Variants in SPON1 observed in about 807,000 individuals in gnomAD.
The protein encoded by SPON1 is spondin-1.
Under a neutral mutation model 111.7 loss-of-function variants are expected in SPON1, and 52 were observed. That is an observed-to-expected ratio of 0.47 (90% CI 0.37 to 0.59). The LOEUF (loss-of-function observed/expected upper bound fraction) is 0.59, where lower values mean the gene tolerates loss of function less well. SPON1 is among the 20% of genes least tolerant of loss of function. The probability of loss-of-function intolerance (pLI) is 0.00; values close to 1 mark genes in which losing one functional copy is unlikely to be tolerated. For missense variants in SPON1, 957 were observed against 1,068.5 expected (o/e 0.90, Z 1.46); for synonymous variants, 410 against 395.8 (o/e 1.04, Z -0.43).
chr11:14,186,839 C>T (rs1376121765), intron 6 of SPON1, among the ~76,000 whole-genome samples: 1 of 152,224 alleles, frequency 6.6e-6, no homozygotes, highest in Non-Finnish European at 1.5e-5. Flanking sequence ...AATCTTCTAT[C>T]TCCTTAAAGT....
At chr11:14,156,776 G>C (rs10766159) in intron 6 of SPON1, among the ~76,000 whole-genome samples, 59,413 of 151,574 alleles carry the variant, frequency 0.39, 11,891 homozygotes, top group East Asian at 0.54. Flanking sequence ...GCTTGTTTTT[G>C]TCAGGTTTGT....
In SPON1 at chr11:14,262,927, C is replaced by A. The variant is rs782356380; in HGVS notation, c.2212C>A (p.Arg738=). 7 of 1,613,660 alleles carry A rather than the reference C, an allele frequency of 4.3e-6. No homozygotes were observed. Among genetic ancestry groups the A allele is most frequent in the Middle Eastern group, 1.6e-4 (1 of 6,062 alleles). The change falls in exon 15 of 16, where the codon CGG becomes AGG. Residue 738 remains arginine (R), a synonymous_variant. Transcript: ENST00000576479. ...KLRWREARES[R]RSEQLKEESE... ...ACGCTGGAGGGAGGCCCGAGAGAGCCGGCGGAGTGAGCAGCTGAAGGAAGA... is the reference window on the plus strand; with the variant it reads ...ACGCTGGAGGGAGGCCCGAGAGAGCAGGCGGAGTGAGCAGCTGAAGGAAGA...
intron 2 of SPON1, among the ~76,000 whole-genome samples, chr11:13,989,113 A>G (rs113312140): frequency 0.021 from 3,180 of 152,278 alleles, 122 homozygotes; most frequent in African/African-American, 0.072. Context: ...GAATAATTTC[A>G]GAAGGAATGG....
Position 13,962,853 on chromosome 11 carries a change from G to A in SPON1, c.-52G>A. On this transcript the variant is annotated 5_prime_UTR_variant, in exon 1 of 16. Coordinates refer to ENST00000576479, the MANE Select transcript of SPON1 (RefSeq NM_006108.4). ...CCTTCGTCGGGACCACTTCGGGCAG[G>A]AGTCGCGTGGCGAAGGCCTGCGGCC... The A allele has an allele frequency of 1.4e-6, 2 of 1,398,626 alleles. No individual in the cohort carries two copies. Among genetic ancestry groups the A allele is most frequent in the Non-Finnish European group, 1.9e-6 (2 of 1,078,348 alleles). 86.6% of individuals were successfully genotyped at this position (1,398,626 alleles called of 1,614,324 possible). A position where few individuals can be genotyped will look rare whatever the true frequency, so the allele number is the denominator to read the frequency against.
chr11:14,230,414 T>C lies in SPON1; in HGVS notation c.826-12918T>C, dbSNP rs1202890037. On this transcript the variant is annotated intron_variant, in intron 6 of 15. Transcript: ENST00000576479. ...AAAGAAAGAGAAGGAGAAGGAGATA[T>C]TGGTGTGTGGATGAATTCTCATTTC... 3.3e-5 allele frequency among the ~76,000 whole-genome samples: 5 copies of C among 152,206 alleles called. No individual in the cohort carries two copies. In the East Asian group the frequency reaches 9.6e-4, roughly 29 times the overall value.
rs1249517925 is a variant in SPON1, at chr11:14,267,890, A to G, written c.*2203A>G. 6.6e-6 allele frequency: 1 copy of G among 152,214 alleles called. No individual in the cohort carries two copies. Among genetic ancestry groups the G allele is most frequent in the Non-Finnish European group, 1.5e-5 (1 of 68,048 alleles). The allele number at this position is 152,214 out of a possible 1,614,324, so 9.4% of individuals were successfully genotyped here. The stretch of plus-strand genomic sequence containing the variant: ...AAAAACTGCCATATAAAGAAGTTGT[A>G]ATTGTTTGTTGTGTATGTATTTTTT... On this transcript the variant is annotated 3_prime_UTR_variant, in exon 16 of 16. Transcript: ENST00000576479.
chr11:14,220,070 G>A (rs1024626951), intron 6 of SPON1, among the ~76,000 whole-genome samples: 1 of 142,892 alleles, frequency 7.0e-6, no homozygotes, highest in Non-Finnish European at 1.5e-5. Flanking sequence ...CTGGGCAACA[G>A]AGTGAGCACT....
intron 6 of SPON1, among the ~76,000 whole-genome samples, chr11:14,224,455 A>G (rs536336476): frequency 7.9e-5 from 12 of 152,252 alleles, no homozygotes; most frequent in East Asian, 7.7e-4. Context: ...AACAAAAGCT[A>G]TGTGGTTCGG....
chr11:14,057,616 C>A (rs2133821334), intron 3 of SPON1, among the ~76,000 whole-genome samples: 1 of 152,182 alleles, frequency 6.6e-6, no homozygotes, highest in South Asian at 2.1e-4. Context: ...TCATGTCAAC[C>A]ACTTACTCTC....
intron 6 of SPON1, among the ~76,000 whole-genome samples, chr11:14,166,816 T>G (rs1277640959): frequency 1.3e-5 from 2 of 152,178 alleles, no homozygotes; most frequent in Non-Finnish European, 2.9e-5. Flanking sequence ...GCATTTACTC[T>G]TCTATTTGAA....
chr11:14,068,843 C>T (rs1554920589), intron 3 of SPON1, among the ~76,000 whole-genome samples: 2 of 152,130 alleles, frequency 1.3e-5, no homozygotes, highest in African/African-American at 4.8e-5. Flanking sequence ...GGGTATGTTC[C>T]ATCATAGAGA....
chr11:14,009,518 C>G (rs1848388596), intron 2 of SPON1, among the ~76,000 whole-genome samples: 1 of 152,214 alleles, frequency 6.6e-6, no homozygotes. Context: ...TTCCTTAGCA[C>G]CATTATATGC....
chr11:13,975,214 A>G (rs1848093259), intron 1 of SPON1, among the ~76,000 whole-genome samples: 1 of 152,134 alleles, frequency 6.6e-6, no homozygotes, highest in Non-Finnish European at 1.5e-5. Flanking sequence ...AGCAGACGCC[A>G]TGTCTTTTTT....
chr11:14,064,425 C>T (rs1848816561), intron 3 of SPON1, among the ~76,000 whole-genome samples: 1 of 152,018 alleles, frequency 6.6e-6, no homozygotes, highest in Non-Finnish European at 1.5e-5. Context: ...TGGGATCTGA[C>T]GAGGCAGAGA....
intron 2 of SPON1, among the ~76,000 whole-genome samples, chr11:14,015,397 C>A (rs747444370): frequency 2.0e-5 from 3 of 152,236 alleles, no homozygotes; most frequent in Non-Finnish European, 4.4e-5. Flanking sequence ...CTCTTAAGAC[C>A]TTTATAAGGT....
chr11:14,090,823 GGCCCCCCC>G (rs1397402601), intron 5 of SPON1, among the ~76,000 whole-genome samples: 22 of 27,050 alleles, frequency 8.1e-4, no homozygotes, highest in African/African-American at 2.1e-3. Context: ...TCTCTTATCT[GGCCCCCCC>G]CCCCCCCCCC....
At chr11:14,034,191 CATT>C (rs1337469052) in intron 2 of SPON1, among the ~76,000 whole-genome samples, 2 of 152,234 alleles carry the variant, frequency 1.3e-5, no homozygotes, top group African/African-American at 2.4e-5. Flanking sequence ...AATACATCAT[CATT>C]GTTGAAAATT....
intron 2 of SPON1, among the ~76,000 whole-genome samples, chr11:14,029,056 A>G (rs549400719): frequency 1.3e-5 from 2 of 152,144 alleles, no homozygotes; most frequent in East Asian, 1.9e-4. Context: ...GCATCTTCCA[A>G]TTCTCACCTG....
intron 4 of SPON1, among the ~76,000 whole-genome samples, chr11:14,077,345 C>T (rs1399573384): frequency 1.3e-5 from 2 of 151,992 alleles, no homozygotes; most frequent in African/African-American, 4.8e-5. Flanking sequence ...GCAAGATAAA[C>T]AATAGGTTAC....
Sources: gnomAD v4.1 joint callset for allele counts (sites outside exome capture counted in the v4.1 genomes callset) on GRCh38, gnomAD v4.1.1 for gene constraint, MANE v1.5 for transcripts, NCBI Gene and HGNC (gene_info 2026-07-23, HGNC 2026-07-21) for gene names.